The following DLC1 variants were observed in gnomAD, a reference collection of about 807,000 sequenced individuals.
DLC1 encodes the protein rho GTPase-activating protein 7.
DLC1 carries 54 observed loss-of-function variants against 140.3 expected under a neutral mutation model. The observed-to-expected ratio is 0.38, with a 90% confidence interval of 0.31 to 0.48. The LOEUF (loss-of-function observed/expected upper bound fraction) is 0.48, where lower values mean the gene tolerates loss of function less well. DLC1 is among the 20% of genes least tolerant of loss of function. The pLI, the probability that DLC1 is intolerant of heterozygous loss-of-function variation, is 0.96. For synonymous variants in DLC1, 986 were observed against 728.1 expected (o/e 1.35, Z -5.70); for missense variants, 2,536 against 1,907.0 (o/e 1.33, Z -6.14).
At chr8:13,256,259 G>A (rs999367393) in intron 5 of DLC1, among the ~76,000 whole-genome samples, 13 of 152,140 alleles carry the variant, frequency 8.5e-5, no homozygotes, top group African/African-American at 2.7e-4. Context: ...AACTTTCTAG[G>A]AACTCAAACA....
rs147207398 is a variant in DLC1, at chr8:13,132,467, A to G, written c.1349-16810T>C. On this transcript the variant is annotated intron_variant, in intron 5 of 17. Transcript: ENST00000276297. ...TTTCCAAGCGCCACTAGGGTCTAAA[A>G]TGTTCCCAAACAGTAAACTCTCCCG... Among the ~76,000 whole-genome samples the G allele has an allele frequency of 3.9e-5, 6 of 152,272 alleles. No homozygotes were observed. The East Asian group carries it at 1.2e-3, about 29-fold the overall frequency.
At chr8:13,475,565 A>G (rs547013458) in intron 2 of DLC1, among the ~76,000 whole-genome samples, 1 of 152,352 alleles carries the variant, frequency 6.6e-6, no homozygotes. Flanking sequence ...CGACCATAGA[A>G]AATATAGATT....
intron 3 of DLC1, among the ~76,000 whole-genome samples, chr8:13,395,768 C>T (rs553884339): frequency 3.8e-5 from 5 of 132,232 alleles, no homozygotes; most frequent in East Asian, 4.2e-4. Flanking sequence ...TGTGCGTGTG[C>T]GTGTGTGTAG....
At chr8:13,415,560 C>T (rs983901044) in intron 2 of DLC1, among the ~76,000 whole-genome samples, 10 of 151,904 alleles carry the variant, frequency 6.6e-5, no homozygotes, top group African/African-American at 1.7e-4. Context: ...CCACCACACC[C>T]GGCTAGTTTT....
chr8:13,469,781 A>C (rs544989016), intron 2 of DLC1, among the ~76,000 whole-genome samples: 143 of 152,336 alleles, frequency 9.4e-4, no homozygotes, highest in Middle Eastern at 6.8e-3. Context: ...GCCTTTCTAG[A>C]AAAACATATT....
chr8:13,289,251 G>A (rs1452065670), intron 5 of DLC1, among the ~76,000 whole-genome samples: 1 of 152,062 alleles, frequency 6.6e-6, no homozygotes, highest in East Asian at 1.9e-4. Context: ...ACCCAGGCTG[G>A]CATGCAGTGG....
intron 5 of DLC1, among the ~76,000 whole-genome samples, chr8:13,190,708 G>A (rs1286290341): frequency 6.6e-6 from 1 of 152,134 alleles, no homozygotes; most frequent in African/African-American, 2.4e-5. Context: ...TCAGAAGAAG[G>A]TTTCAGATTA....
intron 2 of DLC1, among the ~76,000 whole-genome samples, chr8:13,451,032 C>T (rs1212720512): frequency 2.5e-4 from 9 of 36,206 alleles, no homozygotes; most frequent in African/African-American, 7.5e-4. Flanking sequence ...AGTGAGACTC[C>T]GTCTCAAAAA....
At chr8:13,194,073 G>T (rs957259952) in intron 5 of DLC1, among the ~76,000 whole-genome samples, 55 of 152,170 alleles carry the variant, frequency 3.6e-4, no homozygotes, top group African/African-American at 1.3e-3. Flanking sequence ...CAGAATAAAA[G>T]AAACTTCTCA....
At chr8:13,574,081 T>C (rs530858669) in intron 1 of DLC1, among the ~76,000 whole-genome samples, 2 of 152,290 alleles carry the variant, frequency 1.3e-5, no homozygotes, top group East Asian at 3.9e-4. Flanking sequence ...AATAATCTTC[T>C]AGAATTCTGT....
intron 4 of DLC1, among the ~76,000 whole-genome samples, chr8:13,319,474 C>CG (rs781151711): frequency 4.3e-4 from 25 of 57,584 alleles, no homozygotes; most frequent in African/African-American, 1.4e-3. Flanking sequence ...GCTGGCGGGG[C>CG]GGGGGGGGGG....
At chr8:13,426,639 A>G (rs1838593715) in intron 2 of DLC1, among the ~76,000 whole-genome samples, 2 of 152,180 alleles carry the variant, frequency 1.3e-5, no homozygotes, top group Non-Finnish European at 2.9e-5. Flanking sequence ...TTAAGCAAAT[A>G]TGACAATTGA....
At chr8:13,401,365 T>A (rs1243567716) in intron 3 of DLC1, 105 bp downstream of exon 3, 4 of 1,413,148 alleles carry the variant, frequency 2.8e-6, no homozygotes, top group Non-Finnish European at 3.8e-6. Context: ...TGGGGTTACA[T>A]GTTGTTAGAT....
intron 5 of DLC1, among the ~76,000 whole-genome samples, chr8:13,124,433 A>C (rs145488951): frequency 6.6e-6 from 1 of 152,248 alleles, no homozygotes; most frequent in African/African-American, 2.4e-5. Context: ...AATACAGACC[A>C]AAAAGCAGGA....
chr8:13,208,033 C>T (rs73558311), intron 5 of DLC1, among the ~76,000 whole-genome samples: 5,260 of 152,184 alleles, frequency 0.035, 302 homozygotes, highest in African/African-American at 0.12. Context: ...TTTTAATTCA[C>T]CATAGTATTT....
intron 5 of DLC1, among the ~76,000 whole-genome samples, chr8:13,158,193 C>G (rs1275628117): frequency 6.6e-6 from 1 of 152,104 alleles, no homozygotes; most frequent in Non-Finnish European, 1.5e-5. Flanking sequence ...GGGTCCCCGC[C>G]CAATCACCCC....
intron 4 of DLC1, among the ~76,000 whole-genome samples, chr8:13,390,376 A>T (rs569330670): frequency 6.6e-6 from 1 of 152,172 alleles, no homozygotes; most frequent in Admixed American, 6.5e-5. Context: ...ATTGATGGGC[A>T]TTCGGGTTGG....
intron 1 of DLC1, among the ~76,000 whole-genome samples, chr8:13,545,202 A>T (rs983777195): frequency 1.3e-5 from 2 of 151,996 alleles, no homozygotes; most frequent in Non-Finnish European, 2.9e-5. Context: ...TAAAATTTTC[A>T]TTTTTAATAT....
chr8:13,118,414 T>C (rs1820759468), intron 5 of DLC1, among the ~76,000 whole-genome samples: 1 of 150,968 alleles, frequency 6.6e-6, no homozygotes, highest in Admixed American at 6.6e-5. Flanking sequence ...TTCTTCACCC[T>C]AAAAAAAAAT....
Sources: gnomAD v4.1 joint callset for allele counts (sites outside exome capture counted in the v4.1 genomes callset) on GRCh38, gnomAD v4.1.1 for gene constraint, MANE v1.5 for transcripts, NCBI Gene and HGNC (gene_info 2026-07-23, HGNC 2026-07-21) for gene names.